Variants in FAS observed in about 807,000 individuals in gnomAD.
The protein encoded by FAS is tumor necrosis factor receptor superfamily member 6.
FAS carries 5 observed loss-of-function variants against 33.2 expected under a neutral mutation model. The ratio of observed to expected loss-of-function variants is 0.15; its 90% CI spans 0.08 to 0.32. FAS has a LOEUF of 0.32. Ranked by LOEUF, FAS falls within the 10% of genes least tolerant of loss-of-function variation. The pLI is 1.00. For missense variants in FAS, 339 were observed against 386.0 expected, an observed-to-expected ratio of 0.88 and a Z score of 1.02; for synonymous variants, 131 against 130.7, an observed-to-expected ratio of 1.00 and a Z score of -0.01.
Position 88,966,010 on chromosome 10 carries a change from C to T in FAS, n.95-7172C>T, listed in dbSNP as rs756273005. 1.2e-3 allele frequency among the ~76,000 whole-genome samples: 186 copies of T among 152,190 alleles called. 1 individual carries two copies. The highest frequency in any genetic ancestry group is 3.4e-3 in the Middle Eastern group (1 of 294). Reference sequence around the variant, plus strand: ...ACCATGGTCAACAGAATCACTTGGGCAATTTGTTAAAATGTATTAGGTTGG... The same window carrying T: ...ACCATGGTCAACAGAATCACTTGGGTAATTTGTTAAAATGTATTAGGTTGG... On this transcript the variant is annotated intron_variant and non_coding_transcript_variant, in intron 1 of 3. Transcript: ENST00000688239.
intron 2 of FAS, among the ~76,000 whole-genome samples, chr10:88,979,566 G>C (rs1278779441): frequency 6.6e-6 from 1 of 152,036 alleles, no homozygotes; most frequent in South Asian, 2.1e-4. Flanking sequence ...TCTCACACTA[G>C]GGCTGTTCTC....
upstream of FAS, among the ~76,000 whole-genome samples, chr10:88,982,974 T>C (rs996070418): frequency 1.3e-5 from 2 of 152,198 alleles, no homozygotes; most frequent in African/African-American, 4.8e-5. Flanking sequence ...ACTTCATGTG[T>C]CCTTTCCAGA....
chr10:88,972,573 T>C (rs975869574), intron 1 of FAS, among the ~76,000 whole-genome samples: 2 of 152,198 alleles, frequency 1.3e-5, no homozygotes, highest in Non-Finnish European at 2.9e-5. Flanking sequence ...AATTTCATTG[T>C]AATTTATCTA....
chr10:89,007,611 A>G, intron 2 of FAS, 89 bp from the exon 3 acceptor site: 1 of 1,468,176 alleles, frequency 6.8e-7, no homozygotes, highest in Non-Finnish European at 9.2e-7. Flanking sequence ...GTTTTAGAAG[A>G]GTTTTATTGT....
At chr10:88,988,443 T>TTTTTA (rs1554846019), upstream of FAS, among the ~76,000 whole-genome samples, 2 of 142,368 alleles carry the variant, frequency 1.4e-5, no homozygotes, top group Non-Finnish European at 1.5e-5. Context: ...TTTTGTTTTT[T>TTTTTA]ATCTTAACTC....
In FAS at chr10:89,007,763, A is replaced by C. The variant is rs1848312375; in HGVS notation, c.260A>C (p.Glu87Ala). The change falls in exon 3 of 9, where the codon GAA becomes GCA. Residue 87 changes from glutamate to alanine, a missense_variant. Around this residue, in one of 3 missense-constraint regions of FAS, gnomAD observed 276 missense variants for 300.1 expected, o/e 0.92. Transcript: ENST00000652046. ...GDEPDCVPCQ[E>A]GKEYTDKAHF... Reference sequence around the variant, plus strand: ...GAACCAGACTGCGTGCCCTGCCAAGAAGGGAAGGAGTACACAGACAAAGCC... The same window carrying C: ...GAACCAGACTGCGTGCCCTGCCAAGCAGGGAAGGAGTACACAGACAAAGCC... 1 of 1,613,982 alleles carries C rather than the reference A, an allele frequency of 6.2e-7. No homozygotes were observed. The highest frequency in any genetic ancestry group is 1.3e-5 in the African/African-American group (1 of 74,902).
At chr10:88,981,681 G>A (rs553707684) in intron 2 of FAS, among the ~76,000 whole-genome samples, 63 of 152,296 alleles carry the variant, frequency 4.1e-4, no homozygotes, top group Middle Eastern at 3.4e-3. Context: ...ACACTGTAGG[G>A]AGGGAGAGAG....
exon 2 of FAS, chr10:88,973,241 A>G (rs1846489544): frequency 6.2e-7 from 1 of 1,612,606 alleles, no homozygotes; most frequent in Admixed American, 1.7e-5. Flanking sequence ...AGCCCCTGAA[A>G]ATTGGCTATG....
intron 6 of FAS, among the ~76,000 whole-genome samples, chr10:89,011,361 A>T (rs1340987511): frequency 4.6e-5 from 7 of 152,240 alleles, no homozygotes; most frequent in African/African-American, 1.7e-4. Context: ...AATCCCTTTA[A>T]GTCATTCATC....
chr10:89,008,862 C>T (rs778771711), intron 3 of FAS, 27 bp from the exon 4 acceptor site: 33 of 1,602,466 alleles, frequency 2.1e-5, no homozygotes, highest in Non-Finnish European at 2.7e-5. Flanking sequence ...GCCGCTATAA[C>T]TAATAGTTTC....
exon 2 of FAS, chr10:88,973,277 G>T: frequency 1.2e-6 from 2 of 1,612,396 alleles, no homozygotes; most frequent in East Asian, 2.2e-5. Context: ...CACTCTTGGG[G>T]ATCTCTAGGT....
intron 1 of FAS, 109 bp downstream of exon 1, chr10:88,991,015 C>T: frequency 6.7e-7 from 1 of 1,492,274 alleles, no homozygotes; most frequent in Admixed American, 1.8e-5. Flanking sequence ...GCGGCGCACG[C>T]GGGCACCTGG....
In FAS at chr10:89,014,700, G is replaced by A. The variant is rs1438659824; in HGVS notation, c.*250G>A. The A allele has an allele frequency of 3.1e-6, 2 of 644,960 alleles. No individual in the cohort carries two copies. The highest frequency in any genetic ancestry group is 2.1e-5 in the Admixed American group (1 of 48,364). 40.0% of individuals were successfully genotyped at this position (644,960 alleles called of 1,614,324 possible). A position where few individuals can be genotyped will look rare whatever the true frequency, so the allele number is the denominator to read the frequency against. ...GCATGCTAAGTACCCAAATAGGAGTGTATGCAGAGGATGAAAGATTAAGAT... is the reference window on the plus strand; with the variant it reads ...GCATGCTAAGTACCCAAATAGGAGTATATGCAGAGGATGAAAGATTAAGAT... On this transcript the variant is annotated 3_prime_UTR_variant, in exon 9 of 9. Transcript: ENST00000652046.
At chr10:88,998,797 A>G (rs1847749895) in intron 1 of FAS, among the ~76,000 whole-genome samples, 1 of 152,182 alleles carries the variant, frequency 6.6e-6, no homozygotes, top group Non-Finnish European at 1.5e-5. Flanking sequence ...ACCAACATTT[A>G]GTTTAATTGT....
chr10:88,988,549 G>C (rs1439552586), upstream of FAS, among the ~76,000 whole-genome samples: 3 of 151,440 alleles, frequency 2.0e-5, no homozygotes, highest in Admixed American at 6.6e-5. Flanking sequence ...TAACTTATAT[G>C]GTATGGTTTG....
chr10:89,004,091 A>G (rs1848085295), intron 2 of FAS, among the ~76,000 whole-genome samples: 1 of 152,244 alleles, frequency 6.6e-6, no homozygotes, highest in Non-Finnish European at 1.5e-5. Context: ...CAACACGAAT[A>G]AAGAATGGCG....
At chr10:89,002,748 C>T in intron 1 of FAS, 4 of 428,084 alleles carry the variant, frequency 9.3e-6, no homozygotes, top group Non-Finnish European at 1.7e-5. Context: ...ATTTTACCCA[C>T]AAACACAGGG....
At chr10:88,982,529 T>C (rs140778674), upstream of FAS, among the ~76,000 whole-genome samples, 42 of 152,166 alleles carry the variant, frequency 2.8e-4, no homozygotes, top group African/African-American at 9.9e-4. Context: ...AAGGCAGAGA[T>C]TCACTGAGGG....
At chr10:88,972,115 G>A (rs61852568) in intron 1 of FAS, among the ~76,000 whole-genome samples, 13,580 of 151,882 alleles carry the variant, frequency 0.089, 777 homozygotes, top group Non-Finnish European at 0.14. Context: ...CACCATGTTG[G>A]CCAGGATGGT....
Sources: allele counts gnomAD v4.1 joint callset (sites outside exome capture counted in the v4.1 genomes callset), GRCh38; gene constraint gnomAD v4.1.1; regional missense constraint gnomAD v4.1.1; transcripts MANE v1.5; gene names NCBI Gene and HGNC (gene_info 2026-07-23, HGNC 2026-07-21).